Variants in TYSND1 observed in about 807,000 individuals in gnomAD.
The protein encoded by TYSND1 is trypsin like peroxisomal matrix peptidase 1, also known as peroxisomal leader peptide-processing protease.
A neutral mutation model predicts 37.2 loss-of-function variants in TYSND1; 30 were observed. The observed-to-expected ratio is 0.81, with a 90% CI of 0.60 to 1.09. The LOEUF is 1.09. Among genes scored for constraint, TYSND1 ranks in the 50% least tolerant of loss-of-function variants. TYSND1 has a pLI of 0.00. For synonymous variants in TYSND1, 364 were observed against 383.8 expected (o/e 0.95, Z 0.60); for missense variants, 806 against 817.4 (o/e 0.99, Z 0.17).
intron 3 of TYSND1, among the ~76,000 whole-genome samples, chr10:70,141,717 TTTC>T (rs891421321): frequency 9.9e-5 from 13 of 131,068 alleles, no homozygotes; most frequent in Admixed American, 2.2e-4. Flanking sequence ...AGTATTTTCC[TTTC>T]TTTTTTTTTA....
At chr10:70,142,118 T>C (rs1419942748) in intron 3 of TYSND1, among the ~76,000 whole-genome samples, 1 of 144,764 alleles carries the variant, frequency 6.9e-6, no homozygotes, top group Non-Finnish European at 1.5e-5. Flanking sequence ...GTTTTTTTCT[T>C]TTTGACAGCT....
At chr10:70,144,072 G>A (rs1306865124) in intron 1 of TYSND1, 100 bp from the exon 2 acceptor site, 1 of 1,502,346 alleles carries the variant, frequency 6.7e-7, no homozygotes, top group Admixed American at 1.8e-5. Context: ...AGAAGATCTG[G>A]GTATCAGCCC....
chr10:70,144,483 A>T (rs1225457392), intron 1 of TYSND1: 1 of 992,366 alleles, frequency 1.0e-6, no homozygotes, highest in African/African-American at 1.7e-5. Flanking sequence ...CTATTTACGT[A>T]CACGCTAACA....
Position 70,145,763 on chromosome 10 carries a change from AGCGCCCCCGCGGGCCGCGCGGTGAAC to A in TYSND1, c.798_823del (p.Phe267GlyfsTer133), listed in dbSNP as rs1330799901. The stretch of plus-strand genomic sequence containing the variant: ...GAGCGGCGCCACCACCAGCGCCACC[AGCGCCCCCGCGGGCCGCGCGGTGAAC>A]ACGCCGCCGCCCTCGGTGCCGGGCA... On this transcript the variant is annotated frameshift_variant, in exon 1 of 4. Transcript: ENST00000287078. LOFTEE classifies it high-confidence loss of function. 5.5e-6 allele frequency: 8 copies of A among 1,442,402 alleles called. No individual in the cohort carries two copies. Among genetic ancestry groups the A allele is most frequent in the Non-Finnish European group, 7.2e-6 (8 of 1,107,918 alleles). 89.4% of individuals were successfully genotyped at this position (1,442,402 alleles called of 1,614,324 possible). A position where few individuals can be genotyped will look rare whatever the true frequency, so the allele number is the denominator to read the frequency against.
chr10:70,145,679 A>G lies in TYSND1; in HGVS notation c.908T>C (p.Phe303Ser). 1 of 1,386,470 alleles carries G rather than the reference A, an allele frequency of 7.2e-7. No individual in the cohort carries two copies. The highest frequency in any genetic ancestry group is 9.3e-7 in the Non-Finnish European group (1 of 1,079,406). The allele number at this position is 1,386,470 out of a possible 1,614,324, so 85.9% of individuals were successfully genotyped here. A position where few individuals can be genotyped will look rare whatever the true frequency, so the allele number is the denominator to read the frequency against. ...FTLLCAAAPL[F>S]RAARDALHRL... Reference sequence around the variant, plus strand: ...GTGAAGCGCGTCGCGGGCGGCGCGGAAAAGGGGGGCGGCGGCGCAGAGCAG... The same window carrying G: ...GTGAAGCGCGTCGCGGGCGGCGCGGGAAAGGGGGGCGGCGGCGCAGAGCAG... Residue 303 changes from phenylalanine (F) to serine (S), a missense_variant, in exon 1 of 4, where the codon TTC becomes TCC. This residue lies in a region of TYSND1 where 708 missense variants were observed against 705.4 expected (regional missense o/e 1.00). Transcript: ENST00000287078.
At chr10:70,143,261 C>T (rs10999156) in intron 2 of TYSND1, among the ~76,000 whole-genome samples, 8,979 of 152,242 alleles carry the variant, frequency 0.059, 464 homozygotes, top group East Asian at 0.21. Context: ...CAGCCATGAC[C>T]TTCCTTTTCC....
chr10:70,142,752 G>A lies in TYSND1; in HGVS notation c.1399C>T (p.Pro467Ser), dbSNP rs745391614. The A allele has an allele frequency of 6.2e-7, 1 of 1,613,944 alleles. No individual in the cohort carries two copies. The highest frequency in any genetic ancestry group is 8.5e-7 in the Non-Finnish European group (1 of 1,179,996). Residue 467 changes from proline (P) to serine (S), a missense_variant, in exon 3 of 4, where the codon CCC becomes TCC. Pro to Ser is a moderately conservative substitution (Grantham distance 74). Around this residue, in one of 3 missense-constraint regions of TYSND1, gnomAD observed 708 missense variants for 705.4 expected, o/e 1.00. Transcript: ENST00000287078. ...GCACACGTGGTCTGCAGCATTACGG[G>A]CGTGCCATTCACCTGCACCACAGCC... ...LSAVVQVNGT[P>S]VMLQTTCAVH...
At chr10:70,143,328 A>G (rs938203327) in intron 2 of TYSND1, among the ~76,000 whole-genome samples, 1 of 152,232 alleles carries the variant, frequency 6.6e-6, no homozygotes, top group African/African-American at 2.4e-5. Flanking sequence ...AGCCCTCACA[A>G]CACCCAGAAA....
chr10:70,146,277 C>G lies in TYSND1; in HGVS notation c.310G>C (p.Gly104Arg), dbSNP rs1227328083. 6.8e-7 allele frequency: 1 copy of G among 1,469,796 alleles called. No homozygotes were observed. 91.0% of individuals were successfully genotyped at this position (1,469,796 alleles called of 1,614,324 possible). A position where few individuals can be genotyped will look rare whatever the true frequency, so the allele number is the denominator to read the frequency against. The change falls in exon 1 of 4, where the codon GGG becomes CGG. Residue 104 changes from glycine (G) to arginine (R), a missense_variant. Physicochemically the swap from Gly to Arg is moderately radical, Grantham distance 125. This residue lies in a region of TYSND1 where 708 missense variants were observed against 705.4 expected (regional missense o/e 1.00). Coordinates refer to ENST00000287078, the MANE Select transcript of TYSND1 (RefSeq NM_173555.4). ...CTCGCGCACTGGGGCGTGCACAGCC[C>G]TGGGCGGCCCCGCTCCGCGCCGCCC... ...PGGGAERGRPGLCTPQCASLE... is the reference protein window; with the variant it reads ...PGGGAERGRPRLCTPQCASLE...
chr10:70,142,560 A>T, intron 3 of TYSND1, 108 bp downstream of exon 3: 1 of 1,087,034 alleles, frequency 9.2e-7, no homozygotes, highest in African/African-American at 1.6e-5. Flanking sequence ...CATAATGCCC[A>T]CCATTTTCCC....
rs1384761972 is a variant in TYSND1, at chr10:70,143,908, C to T, written c.1231G>A (p.Val411Met). 1.9e-6 allele frequency: 3 copies of T among 1,614,108 alleles called. No homozygotes were observed. The highest frequency in any genetic ancestry group is 1.6e-4 in the Middle Eastern group (1 of 6,084). ...TCCAGGTCCTCCTCCAGGCTCACCA[C>T]TGCTATGTCATAGGGACATGTCTCC... ...TQETCPYDIA[V>M]VSLEEDLDDV... is the part of the protein sequence containing the mutation. Residue 411 changes from valine (V) to methionine (M), a missense_variant, in exon 2 of 4, where the codon GTG becomes ATG. By Grantham distance (21) the Val-to-Met change is conservative (BLOSUM62 1). Transcript: ENST00000287078.
At chr10:70,141,239 CTTTT>C (rs34072247) in intron 3 of TYSND1, among the ~76,000 whole-genome samples, 5 of 126,196 alleles carry the variant, frequency 4.0e-5, no homozygotes, top group African/African-American at 9.3e-5. Context: ...CCATACCTGG[CTTTT>C]TTTTTTTTTT....
chr10:70,139,969 C>A lies in TYSND1; in HGVS notation c.1656G>T (p.Trp552Cys), dbSNP rs2072736247. Residue 552 changes from tryptophan (W) to cysteine (C), a missense_variant, in exon 4 of 4, where the codon TGG (tryptophan) becomes TGT (cysteine). Trp to Cys is a radical substitution (Grantham distance 215). Transcript: ENST00000287078. ...CCTCTGCCAGGGGCCGCTGCAACCG[C>A]CACACCACCCTGACTGGCTCAGCAG... is the stretch of plus-strand genomic sequence containing the variant. ...DRAAEPVRVV[W>C]RLQRPLAEAP... is the part of the protein sequence containing the mutation. 4 of 1,614,042 alleles carry A rather than the reference C, an allele frequency of 2.5e-6. No homozygotes were observed. Among genetic ancestry groups the A allele is most frequent in the Non-Finnish European group, 3.4e-6 (4 of 1,180,008 alleles).
In TYSND1 at chr10:70,138,764, T is replaced by C. The variant is rs2072709644; in HGVS notation, c.*1160A>G. ...TGAGGGCCAGTCTGGCAGGACCGTA[T>C]CCCGTGAGCTCACACCCTGCTGAGA... On this transcript the variant is annotated 3_prime_UTR_variant, in exon 4 of 4. Transcript: ENST00000287078. The C allele has an allele frequency of 6.6e-6, 1 of 152,268 alleles. No homozygotes were observed. Among genetic ancestry groups the C allele is most frequent in the Non-Finnish European group, 1.5e-5 (1 of 68,106 alleles). The allele number at this position is 152,268 out of a possible 1,614,324, so 9.4% of individuals were successfully genotyped here.
intron 1 of TYSND1, chr10:70,144,268 A>T (rs2072838792): frequency 2.7e-6 from 1 of 366,752 alleles, no homozygotes; most frequent in Admixed American, 4.6e-5. Flanking sequence ...TTTAGTCTTC[A>T]CGACCCTATA....
Position 70,143,823 on chromosome 10 carries a change from T to C in TYSND1, c.1297+19A>G. On this transcript the variant is annotated intron_variant, in intron 2 of 3. Transcript: ENST00000287078. ...AGCTCAGAGGGGCCCTCCTTCAGGC[T>C]GCGCCCTTCGTCCTTTACCTTCATG... is the stretch of plus-strand genomic sequence containing the variant. 6.2e-7 allele frequency: 1 copy of C among 1,613,756 alleles called. No individual in the cohort carries two copies. Among genetic ancestry groups the C allele is most frequent in the Non-Finnish European group, 8.5e-7 (1 of 1,179,792 alleles).
chr10:70,143,935 G>A lies in TYSND1; in HGVS notation c.1204C>T (p.Gln402Ter), dbSNP rs772105878. The A allele has an allele frequency of 6.2e-7, 1 of 1,614,236 alleles. No individual in the cohort carries two copies. Among genetic ancestry groups the A allele is most frequent in the East Asian group, 2.2e-5 (1 of 44,886 alleles). ...AIWGRVVFAT[Q>*]ETCPYDIAVV... is the part of the protein sequence containing the mutation. ...GCTATGTCATAGGGACATGTCTCCT[G>A]AGTGGCAAATACCACACGGCCCCAG... is the stretch of plus-strand genomic sequence containing the variant. Residue 402 changes from glutamine to a stop codon, truncating the protein, a stop_gained, in exon 2 of 4, where the codon CAG (glutamine) becomes TAG (stop). Coordinates refer to ENST00000287078, the MANE Select transcript of TYSND1 (RefSeq NM_173555.4). LOFTEE classifies it high-confidence loss of function.
intron 1 of TYSND1, among the ~76,000 whole-genome samples, chr10:70,145,001 A>G (rs915604656): frequency 3.3e-5 from 5 of 152,160 alleles, no homozygotes; most frequent in Non-Finnish European, 5.9e-5. Flanking sequence ...TTACCCCAGG[A>G]GAGCACCATC....
Position 70,146,322 on chromosome 10 carries a change from G to A in TYSND1, c.265C>T (p.Pro89Ser). 6.6e-7 allele frequency: 1 copy of A among 1,515,214 alleles called. No homozygotes were observed. Among genetic ancestry groups the A allele is most frequent in the Non-Finnish European group, 8.8e-7 (1 of 1,138,962 alleles). The allele number at this position is 1,515,214 out of a possible 1,614,324, so 93.9% of individuals were successfully genotyped here. ...DDLRLHVQWA[P>S]TAAGPGGGAE... ...CCGCCCCCGGGACCCGCGGCCGTTG[G>A]GGCCCACTGCACGTGCAGGCGCAGG... Residue 89 changes from proline (P) to serine (S), a missense_variant, in exon 1 of 4, where the codon CCA becomes TCA. This residue lies in a region of TYSND1 where 708 missense variants were observed against 705.4 expected (regional missense o/e 1.00). Coordinates refer to ENST00000287078, the MANE Select transcript of TYSND1 (RefSeq NM_173555.4).
Sources: gnomAD v4.1 joint callset for allele counts (sites outside exome capture counted in the v4.1 genomes callset) on GRCh38, gnomAD v4.1.1 for gene constraint, gnomAD v4.1.1 regional missense constraint, MANE v1.5 for transcripts, NCBI Gene and HGNC (gene_info 2026-07-23, HGNC 2026-07-21) for gene names.